The following SPATA4 variants were observed in gnomAD, a reference collection of about 807,000 sequenced individuals.
SPATA4 encodes the protein spermatogenesis-associated protein 4.
A neutral mutation model predicts 31.8 loss-of-function variants in SPATA4; 35 were observed. That is an observed-to-expected ratio of 1.10 (90% CI 0.84 to 1.46). The LOEUF is 1.46. Among genes scored for constraint, SPATA4 ranks in the 40% most tolerant of loss-of-function variants. SPATA4 has a pLI of 0.00. For missense variants in SPATA4, 394 were observed against 363.1 expected (o/e 1.09, Z -0.69); for synonymous variants, 126 against 132.4 (o/e 0.95, Z 0.33).
At chr4:176,194,296 G>T (rs1189250304) in intron 1 of SPATA4, 1 of 152,208 alleles carries the variant, frequency 6.6e-6, no homozygotes, top group East Asian at 1.9e-4. Flanking sequence ...TGGTAGGAAT[G>T]AATCATATTC....
At chr4:176,189,569 TAGA>T (rs1208689528) in intron 4 of SPATA4, among the ~76,000 whole-genome samples, 4 of 152,204 alleles carry the variant, frequency 2.6e-5, no homozygotes, top group Non-Finnish European at 4.4e-5. Flanking sequence ...CAATACTTCA[TAGA>T]AGAACAAATT....
chr4:176,190,777 T>C (rs1417935859), intron 4 of SPATA4, among the ~76,000 whole-genome samples: 3 of 152,140 alleles, frequency 2.0e-5, no homozygotes, highest in Non-Finnish European at 4.4e-5. Flanking sequence ...CCTACATGTG[T>C]CTTGATTCCA....
In SPATA4 at chr4:176,193,044, T is replaced by A; in HGVS notation, c.381A>T (p.Lys127Asn). Residue 127 changes from lysine to asparagine, a missense_variant, in exon 3 of 6, where the codon AAA (lysine) becomes AAT (asparagine). Lys to Asn is a moderately conservative substitution (Grantham distance 94, BLOSUM62 0). Coordinates refer to ENST00000280191, the MANE Select transcript of SPATA4 (RefSeq NM_144644.4). ...AATGAATTGTTCCATGGATTAGTTCTTTAGGTAATTTAAATTTTTTTCTTG... is the reference window on the plus strand; with the variant it reads ...AATGAATTGTTCCATGGATTAGTTCATTAGGTAATTTAAATTTTTTTCTTG... ...FLARKKFKLPKELIHGTIHCK... is the reference protein window; with the variant it reads ...FLARKKFKLPNELIHGTIHCK... The A allele has an allele frequency of 6.3e-7, 1 of 1,596,898 alleles. No homozygotes were observed. Among genetic ancestry groups the A allele is most frequent in the Non-Finnish European group, 8.5e-7 (1 of 1,175,344 alleles).
intron 5 of SPATA4, among the ~76,000 whole-genome samples, chr4:176,185,378 T>G (rs1386340149): frequency 3.3e-5 from 5 of 152,110 alleles, no homozygotes; most frequent in African/African-American, 1.2e-4. Flanking sequence ...GCCCATAATT[T>G]TGCTAGATAA....
intron 1 of SPATA4, among the ~76,000 whole-genome samples, chr4:176,195,106 CCAAAG>C (rs1752593385): frequency 1.3e-5 from 2 of 152,266 alleles, no homozygotes; most frequent in African/African-American, 4.8e-5. Context: ...TTTGTAGTCA[CCAAAG>C]CATTCTATAT....
Position 176,195,543 on chromosome 4 carries a change from T to G in SPATA4, c.20A>C (p.Glu7Ala). 1.2e-6 allele frequency: 2 copies of G among 1,614,144 alleles called. No homozygotes were observed. The highest frequency in any genetic ancestry group is 1.7e-6 in the Non-Finnish European group (2 of 1,180,020). Reference sequence around the variant, plus strand: ...CGCAGTCTGTGTCAAATACCCTTTTTCCTGGCCGGCGGCAGCCATGACGCT... The same window carrying G: ...CGCAGTCTGTGTCAAATACCCTTTTGCCTGGCCGGCGGCAGCCATGACGCT... The part of the protein sequence containing the change: MAAAGQ[E>A]KGYLTQTAAA... Residue 7 changes from glutamate to alanine, a missense_variant, in exon 1 of 6, where the codon GAA (glutamate) becomes GCA (alanine). Glu to Ala is a moderately radical substitution (Grantham distance 107). Coordinates refer to ENST00000280191, the MANE Select transcript of SPATA4 (RefSeq NM_144644.4).
In SPATA4 at chr4:176,195,400, C is replaced by T. The variant is rs774211769; in HGVS notation, c.163G>A (p.Val55Ile). ...TCCAGACCCTGAAGCCAACGCAGAACGGAACGAGACAAGCGGGAGCTCTTC... is the reference window on the plus strand; with the variant it reads ...TCCAGACCCTGAAGCCAACGCAGAATGGAACGAGACAAGCGGGAGCTCTTC... The part of the protein sequence containing the change: ...APKSSRLSRS[V>I]LRWLQGLDLS... The change falls in exon 1 of 6, where the codon GTT becomes ATT. Residue 55 changes from valine (V) to isoleucine (I), a missense_variant. Transcript: ENST00000280191. 21 of 1,614,122 alleles carry T rather than the reference C, an allele frequency of 1.3e-5. No homozygotes were observed. Among genetic ancestry groups the T allele is most frequent in the Non-Finnish European group, 1.6e-5 (19 of 1,180,058 alleles).
chr4:176,188,178 T>C lies in SPATA4; in HGVS notation c.746A>G (p.Gln249Arg), dbSNP rs1208027100. The C allele has an allele frequency of 6.2e-7, 1 of 1,613,454 alleles. No homozygotes were observed. The highest frequency in any genetic ancestry group is 2.2e-5 in the East Asian group (1 of 44,854). The change falls in exon 5 of 6, where the codon CAA (glutamine) becomes CGA (arginine). Residue 249 changes from glutamine to arginine, a missense_variant. By Grantham distance (43) the Gln-to-Arg change is conservative. Transcript: ENST00000280191. ...GEVTLNHLPA[Q>R]ASGRRYNLKV... ...TAAATTATATCTGCGCCCAGAGGCT[T>C]GGGCAGGAAGGTGATTGAGAGTAAC... is the stretch of plus-strand genomic sequence containing the variant.
In SPATA4 at chr4:176,195,352, T is replaced by G. The variant is rs1352562076; in HGVS notation, c.211A>C (p.Ile71Leu). Residue 71 changes from isoleucine to leucine, a missense_variant, in exon 1 of 6, where the codon ATC becomes CTC. Coordinates refer to ENST00000280191, the MANE Select transcript of SPATA4 (RefSeq NM_144644.4). ...ACTGGCTTACTCAAGCACCTGTTGA[T>G]GTTCCTGGGGAAGAAGCTGAGATCC... The part of the protein sequence containing the change: ...GLDLSFFPRN[I>L]NRDFSNGFLI... 6.2e-7 allele frequency: 1 copy of G among 1,613,916 alleles called. No homozygotes were observed. Among genetic ancestry groups the G allele is most frequent in the Non-Finnish European group, 8.5e-7 (1 of 1,179,998 alleles).
chr4:176,188,207 T>C lies in SPATA4; in HGVS notation c.717A>G (p.Gly239=), dbSNP rs759101316. Reference sequence around the variant, plus strand: ...CAGGAAGGTGATTGAGAGTAACTTCTCCCACTGTTGGTTTCACATCAAACC... The same window carrying C: ...CAGGAAGGTGATTGAGAGTAACTTCCCCCACTGTTGGTTTCACATCAAACC... The part of the protein sequence containing the change: ...PEWFDVKPTV[G]EVTLNHLPAQ... Residue 239 remains glycine (G), a synonymous_variant, in exon 5 of 6, where the codon GGA becomes GGG. Transcript: ENST00000280191. 8.1e-6 allele frequency: 13 copies of C among 1,612,292 alleles called. No individual in the cohort carries two copies. In the South Asian group the frequency reaches 1.2e-4, roughly 15 times the overall value.
rs145400529 is a variant in SPATA4, at chr4:176,192,811, C to T, written c.504G>A (p.Thr168=). ...GTAAACGCATCTGGTAGCTATAGTC[C>T]GTGAAATTCACAAAGTCATCCTGGA... ...KSIQDDFVNF[T]DYSYQMRLPL... The change falls in exon 4 of 6, where the codon ACG becomes ACA. Residue 168 remains threonine (T), a synonymous_variant. Coordinates refer to ENST00000280191, the MANE Select transcript of SPATA4 (RefSeq NM_144644.4). 44 of 1,613,830 alleles carry T rather than the reference C, an allele frequency of 2.7e-5. No homozygotes were observed. The highest frequency in any genetic ancestry group is 4.5e-5 in the East Asian group (2 of 44,868).
At chr4:176,188,571 G>A (rs1380830961) in intron 4 of SPATA4, among the ~76,000 whole-genome samples, 1 of 152,116 alleles carries the variant, frequency 6.6e-6, no homozygotes, top group Non-Finnish European at 1.5e-5. Flanking sequence ...CCATCATCCA[G>A]ATCAAGAAAT....
At chr4:176,185,038 A>G in intron 5 of SPATA4, 146 bp from the exon 6 acceptor site, 1 of 493,362 alleles carries the variant, frequency 2.0e-6, no homozygotes, top group East Asian at 3.3e-5. Context: ...GTAAACAAGA[A>G]TATTTAAATC....
At chr4:176,195,300 G>T in intron 1 of SPATA4, 45 bp downstream of exon 1, 1 of 1,601,288 alleles carries the variant, frequency 6.2e-7, no homozygotes, top group African/African-American at 1.3e-5. Flanking sequence ...CGGAAAGCAG[G>T]CGGGGCGCCC....
At position 176,184,864 on chromosome 4, in the gene SPATA4, A is replaced by G. The variant is rs368507758; in HGVS notation, c.834T>C (p.His278=). Reference sequence around the variant, plus strand: ...CAGCTTGCTTCACATGTATTTCTCTATGTGAACTGCCACCACTACCTATAT... The same window carrying G: ...CAGCTTGCTTCACATGTATTTCTCTGTGTGAACTGCCACCACTACCTATAT... ...LPNIGSGGSS[H]REIHVKQAGQ... The change falls in exon 6 of 6, where the codon CAT becomes CAC. Residue 278 remains histidine, a synonymous_variant. Coordinates refer to ENST00000280191, the MANE Select transcript of SPATA4 (RefSeq NM_144644.4). The G allele has an allele frequency of 3.4e-5, 53 of 1,545,378 alleles. No homozygotes were observed. The highest frequency in any genetic ancestry group is 6.8e-5 in the East Asian group (3 of 44,180).
chr4:176,192,901 T>C (rs1752555427), intron 3 of SPATA4, 54 bp from the exon 4 acceptor site: 2 of 1,588,810 alleles, frequency 1.3e-6, no homozygotes, highest in Non-Finnish European at 1.7e-6. Context: ...CAATGAGTTT[T>C]ATATTATCAA....
In SPATA4 at chr4:176,192,735, A is replaced by G; in HGVS notation, c.580T>C (p.Leu194=). The G allele has an allele frequency of 1.2e-6, 2 of 1,614,156 alleles. No homozygotes were observed. Among genetic ancestry groups the G allele is most frequent in the Non-Finnish European group, 1.7e-6 (2 of 1,179,998 alleles). Residue 194 remains leucine, a synonymous_variant, in exon 4 of 6, where the codon TTA becomes CTA. Transcript: ENST00000280191. ...TTGGGATTGCTTAGTAATTCTGATA[A>G]CCTAATGTTATCTTTAATAGACTTC... ...VSKSIKDNIR[L]SELLSNPNML... is the part of the protein sequence containing the mutation.
rs1752596767 is a variant in SPATA4 at position 176,195,279 on chromosome 4, C to G, written c.218+66G>C. 5 of 1,553,228 alleles carry G rather than the reference C, an allele frequency of 3.2e-6. No individual in the cohort carries two copies. In the Admixed American group the frequency reaches 8.4e-5, roughly 26 times the overall value. On this transcript the variant is annotated intron_variant, in intron 1 of 5. Coordinates refer to ENST00000280191, the MANE Select transcript of SPATA4 (RefSeq NM_144644.4). Reference sequence around the variant, plus strand: ...CAGGCCAGGGTAGGCAATCTGAGGCCTGGCAGGCGGCGGAAAGCAGGCGGG... The same window carrying G: ...CAGGCCAGGGTAGGCAATCTGAGGCGTGGCAGGCGGCGGAAAGCAGGCGGG...
At chr4:176,194,951 G>A (rs1222676494) in intron 1 of SPATA4, 3 of 184,370 alleles carry the variant, frequency 1.6e-5, no homozygotes, top group South Asian at 9.0e-5. Context: ...TGGTCAGGCT[G>A]TTACTCAACT....
Sources: allele counts gnomAD v4.1 joint callset (sites outside exome capture counted in the v4.1 genomes callset), GRCh38; gene constraint gnomAD v4.1.1; transcripts MANE v1.5; gene names NCBI Gene and HGNC (gene_info 2026-07-23, HGNC 2026-07-21).